Variants in TCF12 observed in about 807,000 individuals in gnomAD.
TCF12 encodes the protein transcription factor 12.
In TCF12, 45 loss-of-function variants were observed where a neutral mutation model predicts 86.0. The observed-to-expected ratio is 0.52, with a 90% CI of 0.41 to 0.67. TCF12 has a LOEUF of 0.67. TCF12 is among the 30% of genes least tolerant of loss of function. The pLI, the probability that TCF12 is intolerant of heterozygous loss-of-function variation, is 0.00. For missense variants in TCF12, 881 were observed against 859.9 expected (o/e 1.02, Z -0.31); for synonymous variants, 330 against 299.6 (o/e 1.10, Z -1.05).
intron 8 of TCF12, chr15:57,214,490 G>A (rs2058251761): frequency 6.6e-6 from 1 of 152,136 alleles, no homozygotes; most frequent in African/African-American, 2.4e-5. Flanking sequence ...TTACAGAGGT[G>A]ATTGTTTCCA....
intron 4 of TCF12, among the ~76,000 whole-genome samples, chr15:57,075,812 C>CTG (rs2069904241): frequency 2.3e-5 from 1 of 43,636 alleles, no homozygotes; most frequent in South Asian, 9.8e-4. Flanking sequence ...CTTTCTCTCT[C>CTG]TCTCTCTCTC....
rs1382914573 is a variant in TCF12 at position 57,263,238 on chromosome 15, A to G, written c.1709A>G (p.Gln570Arg). ...DDMKSDDESS[Q>R]KDIKVSSRGR... is the part of the protein sequence containing the mutation. ...ATGAAGTCAGATGATGAATCCTCCC[A>G]AAAAGATATCAAGGTTTCATCTAGA... The change falls in exon 18 of 21, where the codon CAA becomes CGA. Residue 570 changes from glutamine (Q) to arginine (R), a missense_variant. This residue lies in a region of TCF12 where 766 missense variants were observed against 718.9 expected (regional missense o/e 1.07). Coordinates refer to ENST00000333725, the MANE Select transcript of TCF12 (RefSeq NM_207037.2). 8.7e-6 allele frequency: 14 copies of G among 1,611,770 alleles called. No individual in the cohort carries two copies. Among genetic ancestry groups the G allele is most frequent in the Non-Finnish European group, 1.2e-5 (14 of 1,179,470 alleles).
intron 3 of TCF12, among the ~76,000 whole-genome samples, chr15:56,927,051 T>C (rs1393339844): frequency 1.3e-5 from 2 of 152,074 alleles, no homozygotes; most frequent in African/African-American, 4.8e-5. Context: ...ATAACAGAAG[T>C]AAAGGATTGT....
intron 11 of TCF12, 110 bp from the exon 12 acceptor site, chr15:57,233,933 T>TA: frequency 4.9e-6 from 4 of 819,558 alleles, no homozygotes; most frequent in Non-Finnish European, 8.3e-6. Flanking sequence ...CCTAGTTTAC[T>TA]GTAACAGATG....
At chr15:57,253,228 A>C in intron 15 of TCF12, 34 bp from the exon 16 acceptor site, 1 of 1,609,958 alleles carries the variant, frequency 6.2e-7, no homozygotes, top group Non-Finnish European at 8.5e-7. Flanking sequence ...AGATGCCAGC[A>C]ATAACCACCA....
At position 57,059,707 on chromosome 15, in the gene TCF12, A is replaced by G. The variant is rs751583086; in HGVS notation, c.149-4043A>G. On this transcript the variant is annotated intron_variant, in intron 3 of 20. Transcript: ENST00000333725. ...ACTCAAACTCTGCAGTGTTAACAAT[A>G]ATTTGTTTACAGGGCTCATATGTGG... 1.0e-3 allele frequency among the ~76,000 whole-genome samples: 135 copies of G among 129,530 alleles called. 1 individual carries two copies. Among genetic ancestry groups the G allele is most frequent in the Non-Finnish European group, 1.1e-3 (70 of 62,946 alleles). The allele number at this position is 129,530 out of a possible 152,430, so 85.0% of individuals were successfully genotyped here. A position where few individuals can be genotyped will look rare whatever the true frequency, so the allele number is the denominator to read the frequency against.
intron 3 of TCF12, among the ~76,000 whole-genome samples, chr15:56,963,978 A>G (rs898767487): frequency 6.6e-6 from 1 of 152,210 alleles, no homozygotes. Flanking sequence ...CAGGAAAGGA[A>G]TAAGCATACA....
chr15:57,213,539 G>C (rs543866550), intron 8 of TCF12, among the ~76,000 whole-genome samples: 4 of 152,148 alleles, frequency 2.6e-5, no homozygotes, highest in Non-Finnish European at 5.9e-5. Context: ...TTGGATTGCA[G>C]ATTTTTGAAA....
At chr15:57,100,098 G>C (rs947898242) in intron 5 of TCF12, among the ~76,000 whole-genome samples, 72 of 152,114 alleles carry the variant, frequency 4.7e-4, no homozygotes, top group African/African-American at 1.7e-3. Context: ...GCATAGATCT[G>C]ATAAATGGTT....
intron 3 of TCF12, among the ~76,000 whole-genome samples, chr15:56,990,484 T>C (rs573493949): frequency 6.6e-6 from 1 of 152,238 alleles, no homozygotes; most frequent in Admixed American, 6.5e-5. Flanking sequence ...TGGTTTTTCT[T>C]CGTGGTGCTT....
At chr15:57,028,285 A>G (rs2065942930) in intron 3 of TCF12, among the ~76,000 whole-genome samples, 1 of 152,110 alleles carries the variant, frequency 6.6e-6, no homozygotes, top group African/African-American at 2.4e-5. Flanking sequence ...TTTATAAATT[A>G]CCCAGTCTCG....
At chr15:56,945,998 T>C (rs2060978227) in intron 3 of TCF12, among the ~76,000 whole-genome samples, 1 of 152,198 alleles carries the variant, frequency 6.6e-6, no homozygotes, top group Non-Finnish European at 1.5e-5. Flanking sequence ...CACCTTAATG[T>C]TGGACTTCCA....
At chr15:56,946,447 T>G (rs1389935129) in intron 3 of TCF12, among the ~76,000 whole-genome samples, 1 of 152,192 alleles carries the variant, frequency 6.6e-6, no homozygotes, top group Non-Finnish European at 1.5e-5. Flanking sequence ...GTTTTTAGAT[T>G]GTCTTGCATT....
chr15:57,229,133 A>G (rs925935115), intron 8 of TCF12, among the ~76,000 whole-genome samples: 1 of 151,992 alleles, frequency 6.6e-6, no homozygotes, highest in Non-Finnish European at 1.5e-5. Context: ...GGAAATCTAT[A>G]TAGAAAGGGG....
rs116591365 is a variant in TCF12, at chr15:56,969,714, A to G, written c.148+48616A>G. Among the ~76,000 whole-genome samples the G allele has an allele frequency of 8.8e-3, 1,338 of 152,148 alleles. 13 individuals carry two copies. The highest frequency in any genetic ancestry group is 0.027 in the African/African-American group (1,132 of 41,486). ...CACTGCACCTCGCCCATTTGGAGAT[A>G]TTAGTGGAGAATTGGTCTGGTCTTG... On this transcript the variant is annotated intron_variant, in intron 3 of 20. Transcript: ENST00000333725.
intron 19 of TCF12, among the ~76,000 whole-genome samples, chr15:57,277,627 CA>C (rs572510620): frequency 0.021 from 1,591 of 74,912 alleles, 12 homozygotes; most frequent in Admixed American, 0.046. Flanking sequence ...GACTCCATCT[CA>C]AAAAAAAAAA....
In TCF12 at chr15:57,063,788, A is replaced by G. The variant is rs1198622207; in HGVS notation, c.187A>G (p.Ser63Gly). Residue 63 changes from serine to glycine, a missense_variant, in exon 4 of 21, where the codon AGT becomes GGT. Coordinates refer to ENST00000333725, the MANE Select transcript of TCF12 (RefSeq NM_207037.2). ...AGGAGGTACAACATCTTGGGGAACA[A>G]GTGGTCAACCAAGTCCTTCCTATGA... is the stretch of plus-strand genomic sequence containing the variant. ...ERGGTTSWGT[S>G]GQPSPSYDSS... The G allele has an allele frequency of 6.2e-7, 1 of 1,602,950 alleles. No homozygotes were observed. The highest frequency in any genetic ancestry group is 1.3e-5 in the African/African-American group (1 of 74,942).
At chr15:57,080,342 A>G (rs547484642) in intron 4 of TCF12, among the ~76,000 whole-genome samples, 50 of 152,326 alleles carry the variant, frequency 3.3e-4, no homozygotes, top group Non-Finnish European at 6.9e-4. Context: ...ATCAGAAAGC[A>G]GGGGTACTGT....
At chr15:57,136,707 A>G (rs2151379984) in intron 5 of TCF12, among the ~76,000 whole-genome samples, 1 of 152,200 alleles carries the variant, frequency 6.6e-6, no homozygotes, top group South Asian at 2.1e-4. Context: ...ACAAGGTCTC[A>G]CTCTGTCACC....
Sources: allele counts gnomAD v4.1 joint callset (sites outside exome capture counted in the v4.1 genomes callset), GRCh38; gene constraint gnomAD v4.1.1; regional missense constraint gnomAD v4.1.1; transcripts MANE v1.5; gene names NCBI Gene and HGNC (gene_info 2026-07-23, HGNC 2026-07-21).